Variants in LAIR1 observed in about 807,000 individuals in gnomAD.
The protein encoded by LAIR1 is leukocyte associated immunoglobulin like receptor 1, also known as leukocyte-associated immunoglobulin-like receptor 1.
Under a neutral mutation model 32.8 loss-of-function variants are expected in LAIR1, and 24 were observed. The ratio of observed to expected loss-of-function variants is 0.73; its 90% CI spans 0.53 to 1.03. LAIR1 has a LOEUF of 1.03. Ranked by LOEUF, LAIR1 falls within the 50% of genes least tolerant of loss-of-function variation. The pLI, the probability that LAIR1 is intolerant of heterozygous loss-of-function variation, is 0.00. For synonymous variants in LAIR1, 150 were observed against 140.5 expected (o/e 1.07, Z -0.48); for missense variants, 355 against 347.5 (o/e 1.02, Z -0.17).
chr19:54,365,447 TAAA>T (rs1419623354), upstream of LAIR1, among the ~76,000 whole-genome samples: 1 of 151,930 alleles, frequency 6.6e-6, no homozygotes, highest in Non-Finnish European at 1.5e-5. Context: ...CTCAAAAAAT[TAAA>T]AATAGAGCTA....
intron 7 of LAIR1, 42 bp from the exon 8 acceptor site, chr19:54,356,309 G>A (rs754664045): frequency 2.9e-5 from 46 of 1,607,458 alleles, no homozygotes; most frequent in Middle Eastern, 1.7e-4. Flanking sequence ...GCAGCCTGGC[G>A]GCCGAGGACT....
upstream of LAIR1, among the ~76,000 whole-genome samples, chr19:54,369,027 A>C (rs2082339877): frequency 6.6e-6 from 1 of 151,062 alleles, no homozygotes; most frequent in South Asian, 2.1e-4. Context: ...CCTGGGAATA[A>C]ATTTAAACTT....
chr19:54,371,600 C>T (rs1474102731), upstream of LAIR1, among the ~76,000 whole-genome samples: 1 of 151,502 alleles, frequency 6.6e-6, no homozygotes, highest in Non-Finnish European at 1.5e-5. Flanking sequence ...TGCCCAGCCT[C>T]GTTTTTAATT....
chr19:54,370,946 GGGT>G (rs2082390425), upstream of LAIR1, among the ~76,000 whole-genome samples: 1 of 150,236 alleles, frequency 6.7e-6, no homozygotes, highest in Non-Finnish European at 1.5e-5. Flanking sequence ...CTACACGTCG[GGGT>G]TGTTTTTTGT....
rs572803126 is a variant in LAIR1 at position 54,355,509 on chromosome 19, C to T, written c.718-95G>A. 1.1e-5 allele frequency: 12 copies of T among 1,118,798 alleles called. No homozygotes were observed. In the African/African-American group the frequency reaches 1.4e-4, roughly 13 times the overall value. 69.3% of individuals were successfully genotyped at this position (1,118,798 alleles called of 1,614,324 possible). A position where few individuals can be genotyped will look rare whatever the true frequency, so the allele number is the denominator to read the frequency against. On this transcript the variant is annotated intron_variant, in intron 9 of 9. Transcript: ENST00000391742. The surrounding 1 kb of genome is among the most constrained non-coding windows in gnomAD (Gnocchi z 4.7). ...GGCTGTGGCGGCCATCTCCATGGGC[C>T]CTGAGGACCCTCTCCTAAATTGCAT...
At chr19:54,371,222 C>T (rs2082398079), upstream of LAIR1, among the ~76,000 whole-genome samples, 1 of 151,378 alleles carries the variant, frequency 6.6e-6, no homozygotes, top group Non-Finnish European at 1.5e-5. Flanking sequence ...TTCCCTTGCA[C>T]TTTTGTAAAT....
upstream of LAIR1, among the ~76,000 whole-genome samples, chr19:54,369,786 A>G (rs1457721276): frequency 6.6e-6 from 1 of 151,628 alleles, no homozygotes; most frequent in African/African-American, 2.4e-5. Context: ...AAATGACACA[A>G]GATGCAATGT....
At chr19:54,366,120 G>C (rs1445599674), upstream of LAIR1, among the ~76,000 whole-genome samples, 2 of 152,142 alleles carry the variant, frequency 1.3e-5, no homozygotes, top group Non-Finnish European at 2.9e-5. Flanking sequence ...GCTGGGAGGA[G>C]GGGGAAATGG....
Position 54,364,161 on chromosome 19 carries a change from T to C in LAIR1, c.70+134A>G. 9.3e-7 allele frequency: 1 copy of C among 1,074,176 alleles called. No homozygotes were observed. The highest frequency in any genetic ancestry group is 1.4e-6 in the Non-Finnish European group (1 of 721,982). 66.5% of individuals were successfully genotyped at this position (1,074,176 alleles called of 1,614,324 possible). A position where few individuals can be genotyped will look rare whatever the true frequency, so the allele number is the denominator to read the frequency against. On this transcript the variant is annotated intron_variant, in intron 2 of 9. Coordinates refer to ENST00000391742, the MANE Select transcript of LAIR1 (RefSeq NM_002287.6). The surrounding 1 kb of genome is among the most constrained non-coding windows in gnomAD (Gnocchi z 4.8). ...TGAGGGTTGGTTATGCATTTTACAT[T>C]TGGAAGAGTTTGCAATCTAGGGTAT...
chr19:54,367,191 C>T (rs2082283303), upstream of LAIR1, among the ~76,000 whole-genome samples: 1 of 152,184 alleles, frequency 6.6e-6, no homozygotes, highest in Admixed American at 6.5e-5. Flanking sequence ...ATAGTCCAAA[C>T]GTTTCAAAAA....
In LAIR1 at chr19:54,356,560, C is replaced by A. The variant is rs761145385; in HGVS notation, c.514G>T (p.Val172Leu). The change falls in exon 6 of 10, where the codon GTG becomes TTG. Residue 172 changes from valine (V) to leucine (L), a missense_variant. Transcript: ENST00000391742. Reference sequence around the variant, plus strand: ...AGGAGGAGACAGAAGAGGAAGACCACTGAGACCCCGATGAGAATATACAGA... The same window carrying A: ...AGGAGGAGACAGAAGAGGAAGACCAATGAGACCCCGATGAGAATATACAGA... ...EHLYILIGVS[V>L]VFLFCLLLLV... The A allele has an allele frequency of 6.2e-7, 1 of 1,613,944 alleles. No homozygotes were observed. The highest frequency in any genetic ancestry group is 8.5e-7 in the Non-Finnish European group (1 of 1,180,016).
Position 54,364,586 on chromosome 19 carries a change from C to A in LAIR1, c.34+185G>T. ...AGCTGACCTCATCCCCACACCCGGG[C>A]CCCTGTTTTTAGGACAAGATCTTCT... On this transcript the variant is annotated intron_variant, in intron 1 of 9. Coordinates refer to ENST00000391742, the MANE Select transcript of LAIR1 (RefSeq NM_002287.6). This position sits in a 1 kb window ranked among gnomAD's most constrained non-coding sequence, Gnocchi z 4.8. The A allele has an allele frequency of 1.2e-6, 1 of 807,076 alleles. No individual in the cohort carries two copies. The highest frequency in any genetic ancestry group is 2.2e-6 in the Non-Finnish European group (1 of 462,672). 50.0% of individuals were successfully genotyped at this position (807,076 alleles called of 1,614,324 possible). A position where few individuals can be genotyped will look rare whatever the true frequency, so the allele number is the denominator to read the frequency against.
chr19:54,364,839 C>T lies in LAIR1; in HGVS notation c.-35G>A, dbSNP rs368414909. ...CCCAGCAGTGCAGCCTGGCCTGAGG[C>T]GCACCAATGCAAGGACAGAACTCTG... On this transcript the variant is annotated 5_prime_UTR_variant, in exon 1 of 10. Transcript: ENST00000391742. The surrounding 1 kb of genome is among the most constrained non-coding windows in gnomAD (Gnocchi z 4.8). 111 of 1,613,972 alleles carry T rather than the reference C, an allele frequency of 6.9e-5. 1 individual carries two copies. The highest frequency in any genetic ancestry group is 4.4e-4 in the South Asian group (40 of 91,074).
chr19:54,359,582 G>C (rs1434273325), intron 4 of LAIR1, among the ~76,000 whole-genome samples: 2 of 152,232 alleles, frequency 1.3e-5, no homozygotes, highest in Non-Finnish European at 2.9e-5. Context: ...GGTGCAGAGC[G>C]GGGTGAATGG....
chr19:54,366,809 C>T (rs1364044137), upstream of LAIR1, among the ~76,000 whole-genome samples: 1 of 152,140 alleles, frequency 6.6e-6, no homozygotes, highest in Non-Finnish European at 1.5e-5. Flanking sequence ...AATTTCTAAG[C>T]AACAAAGTGT....
In LAIR1 at chr19:54,356,010, G is replaced by T; in HGVS notation, c.665-4C>A. Reference sequence around the variant, plus strand: ...AGTCCATTGACTGTGGCCTTGTCTTGGGGAGAAAATACATGGTCAGTTTTC... The same window carrying T: ...AGTCCATTGACTGTGGCCTTGTCTTTGGGAGAAAATACATGGTCAGTTTTC... On this transcript the variant is annotated splice_polypyrimidine_tract_variant and splice_region_variant and intron_variant, in intron 8 of 9. Transcript: ENST00000391742. 1 of 1,607,274 alleles carries T rather than the reference G, an allele frequency of 6.2e-7. No individual in the cohort carries two copies. Among genetic ancestry groups the T allele is most frequent in the Non-Finnish European group, 8.5e-7 (1 of 1,173,768 alleles).
Position 54,355,478 on chromosome 19 carries a change from A to T in LAIR1, c.718-64T>A. The T allele has an allele frequency of 2.8e-6, 4 of 1,447,680 alleles. No homozygotes were observed. Among genetic ancestry groups the T allele is most frequent in the South Asian group, 1.3e-5 (1 of 74,896 alleles). The allele number at this position is 1,447,680 out of a possible 1,614,324, so 89.7% of individuals were successfully genotyped here. ...GAGGGTGAGACGAGGGGCTGTGGGG[A>T]GGGAGGGCTGTGGCGGCCATCTCCA... On this transcript the variant is annotated intron_variant, in intron 9 of 9. Transcript: ENST00000391742. The surrounding 1 kb of genome is among the most constrained non-coding windows in gnomAD (Gnocchi z 4.7).
At chr19:54,371,726 C>A (rs2122662450), upstream of LAIR1, among the ~76,000 whole-genome samples, 1 of 151,740 alleles carries the variant, frequency 6.6e-6, no homozygotes, top group East Asian at 1.9e-4. Context: ...AAATTCCTGT[C>A]TTTACCCAAA....
At chr19:54,373,438 C>A (rs569348234), upstream of LAIR1, among the ~76,000 whole-genome samples, 1 of 151,528 alleles carries the variant, frequency 6.6e-6, no homozygotes, top group East Asian at 1.9e-4. Context: ...AGCGAGACTC[C>A]GTCTCAAAAA....
Sources: allele counts gnomAD v4.1 joint callset (sites outside exome capture counted in the v4.1 genomes callset), GRCh38; gene constraint gnomAD v4.1.1; non-coding constraint Gnocchi (gnomAD v3.1); transcripts MANE v1.5; gene names NCBI Gene and HGNC (gene_info 2026-07-23, HGNC 2026-07-21).